Variants in TTF1 observed in about 807,000 individuals in gnomAD.
The protein encoded by TTF1 is transcription termination factor, RNA polymerase I.
In TTF1, 64 loss-of-function variants were observed where a neutral mutation model predicts 80.2. The observed-to-expected ratio is 0.80, with a 90% CI of 0.65 to 0.98. The LOEUF is 0.98. Among genes scored for constraint, TTF1 ranks in the 50% least tolerant of loss-of-function variants. The pLI is 0.00. For missense variants in TTF1, 1,023 were observed against 1,086.2 expected, an observed-to-expected ratio of 0.94 and a Z score of 0.82; for synonymous variants, 372 against 382.7, an observed-to-expected ratio of 0.97 and a Z score of 0.33.
In TTF1 at chr9:132,392,080, G is replaced by A. The variant is rs1849569247; in HGVS notation, c.1983C>T (p.Ser661=). ...LSVALKFSQI[S]SQRNRGAWSK... is the part of the protein sequence containing the mutation. ...GCACTGGGGGCTGCCACTTACGACT[G>A]CTGATCTGTGAGAACTTGAGGGCCA... The change falls in exon 6 of 11, where the codon AGC becomes AGT. Residue 661 remains serine, a synonymous_variant. Coordinates refer to ENST00000334270, the MANE Select transcript of TTF1 (RefSeq NM_007344.4). 2 of 1,613,846 alleles carry A rather than the reference G, an allele frequency of 1.2e-6. No homozygotes were observed. The highest frequency in any genetic ancestry group is 1.7e-6 in the Non-Finnish European group (2 of 1,180,022).
chr9:132,392,634 G>A (rs1481033896), intron 5 of TTF1, among the ~76,000 whole-genome samples: 2 of 152,128 alleles, frequency 1.3e-5, no homozygotes, highest in Non-Finnish European at 2.9e-5. Flanking sequence ...CCATAGCACT[G>A]GTCACAACCT....
At chr9:132,391,265 G>C (rs1849553872) in intron 6 of TTF1, among the ~76,000 whole-genome samples, 2 of 152,162 alleles carry the variant, frequency 1.3e-5, no homozygotes, top group Non-Finnish European at 2.9e-5. Context: ...ACTTGATGAA[G>C]GCACCTGAGA....
Position 132,402,654 on chromosome 9 carries a change from T to C in TTF1, c.168A>G (p.Lys56=). The C allele has an allele frequency of 6.2e-7, 1 of 1,613,124 alleles. No homozygotes were observed. Among genetic ancestry groups the C allele is most frequent in the South Asian group, 1.1e-5 (1 of 90,806 alleles). Residue 56 remains lysine, a synonymous_variant, in exon 2 of 11, where the codon AAA becomes AAG. Coordinates refer to ENST00000334270, the MANE Select transcript of TTF1 (RefSeq NM_007344.4). ...AAGAAATGAGATGCTGGAAATCTTT[T>C]TTCCTCTTTTTCCTCCTAGTTATTT... is the stretch of plus-strand genomic sequence containing the variant. The part of the protein sequence containing the change: ...QSQITRRKKR[K]KDFQHLISSP...
intron 9 of TTF1, among the ~76,000 whole-genome samples, chr9:132,382,493 T>C (rs1156452075): frequency 6.6e-6 from 1 of 152,190 alleles, no homozygotes; most frequent in Admixed American, 6.5e-5. Context: ...GCTGTACTCC[T>C]GCCCGAAGGA....
intron 10 of TTF1, 75 bp from the exon 11 acceptor site, chr9:132,376,243 G>T: frequency 6.8e-7 from 1 of 1,473,026 alleles, no homozygotes; most frequent in South Asian, 1.3e-5. Context: ...CATACAGGAG[G>T]CTGGTAATGA....
At chr9:132,389,114 ATGAT>A (rs1362816801) in intron 7 of TTF1, among the ~76,000 whole-genome samples, 1 of 151,360 alleles carries the variant, frequency 6.6e-6, no homozygotes, top group Non-Finnish European at 1.5e-5. Context: ...ACTACCCTTA[ATGAT>A]TACCATGTCC....
rs769247792 is a variant in TTF1 at position 132,379,109 on chromosome 9, G to A, written c.2414C>T (p.Ser805Phe). The A allele has an allele frequency of 1.2e-6, 2 of 1,609,124 alleles. No homozygotes were observed. Among genetic ancestry groups the A allele is most frequent in the African/African-American group, 2.7e-5 (2 of 74,834 alleles). ...VPPSYVQTKF[S>F]RLKAVYVPFW... ...TGGAACATAGACAGCTTTCAGCCTA[G>A]AAAATTTAGTTTGAACGTAAGATGG... The change falls in exon 10 of 11, where the codon TCT becomes TTT. Residue 805 changes from serine (S) to phenylalanine (F), a missense_variant. Physicochemically the swap from Ser to Phe is radical, Grantham distance 155. Coordinates refer to ENST00000334270, the MANE Select transcript of TTF1 (RefSeq NM_007344.4).
chr9:132,393,270 C>CG (rs1297700991), intron 5 of TTF1, among the ~76,000 whole-genome samples: 22 of 28,180 alleles, frequency 7.8e-4, no homozygotes, highest in Middle Eastern at 0.014. Flanking sequence ...TGGGAGCAAG[C>CG]CCCCCCCGCA....
rs1326810905 is a variant in TTF1, at chr9:132,376,156, T to C, written c.2477A>G (p.Tyr826Cys). 3.1e-6 allele frequency: 5 copies of C among 1,612,596 alleles called. No individual in the cohort carries two copies. The African/African-American group carries it at 4.0e-5, about 13-fold the overall frequency. ...QKKTFPEIID[Y>C]LYETTLPLLK... ...CAAAGGTAGAGTCGTCTCATAAAGG[T>C]AGTCGATGATCTCTACAGAAAAGAA... Residue 826 changes from tyrosine to cysteine, a missense_variant, in exon 11 of 11, where the codon TAC becomes TGC. Tyr to Cys is a radical substitution (Grantham distance 194). Transcript: ENST00000334270.
chr9:132,387,749 G>A (rs1849495233), intron 8 of TTF1, among the ~76,000 whole-genome samples: 1 of 152,202 alleles, frequency 6.6e-6, no homozygotes, highest in Non-Finnish European at 1.5e-5. Flanking sequence ...AGACAAGCAA[G>A]GGTGACACCA....
At chr9:132,385,392 TG>T (rs962743479) in intron 9 of TTF1, among the ~76,000 whole-genome samples, 3 of 152,234 alleles carry the variant, frequency 2.0e-5, no homozygotes, top group African/African-American at 7.2e-5. Flanking sequence ...CTGGAACTCC[TG>T]GATGTCTGGA....
At chr9:132,391,150 T>C (rs1849552229) in intron 6 of TTF1, among the ~76,000 whole-genome samples, 2 of 152,328 alleles carry the variant, frequency 1.3e-5, no homozygotes, top group South Asian at 2.1e-4. Context: ...AAACATTTAA[T>C]GGGGGAAGAA....
chr9:132,375,920 T>C lies in TTF1; in HGVS notation c.2713A>G (p.Ile905Val). Reference protein sequence around the residue: ...STLGGQGRWII With the variant: ...STLGGQGRWIV ...CCGGTCTCGAACTCCTGACCTCAGA[T>C]GATCCACCGGCCTTGGCCTCCCAAA... Residue 905 changes from isoleucine to valine, a missense_variant, in exon 11 of 11, where the codon ATC (isoleucine) becomes GTC (valine). Coordinates refer to ENST00000334270, the MANE Select transcript of TTF1 (RefSeq NM_007344.4). 6.4e-7 allele frequency: 1 copy of C among 1,570,060 alleles called. No individual in the cohort carries two copies. The highest frequency in any genetic ancestry group is 1.8e-5 in the Admixed American group (1 of 56,456).
chr9:132,402,143 T>C lies in TTF1; in HGVS notation c.679A>G (p.Ser227Gly), dbSNP rs761942753. The C allele has an allele frequency of 1.9e-6, 3 of 1,614,142 alleles. No homozygotes were observed. The highest frequency in any genetic ancestry group is 2.5e-6 in the Non-Finnish European group (3 of 1,180,022). The part of the protein sequence containing the change: ...NKSKKKKKKS[S>G]NREYETLAMP... ...GCCAGTGTCTCATATTCCCGGTTACTGGACTTTTTCTTTTTTTTCTTAGAC... is the reference window on the plus strand; with the variant it reads ...GCCAGTGTCTCATATTCCCGGTTACCGGACTTTTTCTTTTTTTTCTTAGAC... Residue 227 changes from serine to glycine, a missense_variant, in exon 2 of 11, where the codon AGT becomes GGT. By Grantham distance (56) the Ser-to-Gly change is moderately conservative (BLOSUM62 0). Transcript: ENST00000334270.
At chr9:132,393,598 A>C (rs1849598098) in intron 5 of TTF1, among the ~76,000 whole-genome samples, 1 of 152,226 alleles carries the variant, frequency 6.6e-6, no homozygotes, top group Non-Finnish European at 1.5e-5. Context: ...CTGTTAATAA[A>C]TACGTGGGTA....
chr9:132,378,988 G>C, intron 10 of TTF1, 71 bp downstream of exon 10: 1 of 1,206,818 alleles, frequency 8.3e-7, no homozygotes, highest in Non-Finnish European at 1.2e-6. Flanking sequence ...CACCTGCCTA[G>C]GTGACTTTCA....
chr9:132,378,174 G>A (rs533547452), intron 10 of TTF1, among the ~76,000 whole-genome samples: 46 of 139,670 alleles, frequency 3.3e-4, no homozygotes, highest in African/African-American at 1.2e-3. Flanking sequence ...TGTGGTGTGT[G>A]TGAATGCATG....
chr9:132,376,276 C>T (rs1849175362), intron 10 of TTF1, 108 bp from the exon 11 acceptor site: 1 of 1,235,118 alleles, frequency 8.1e-7, no homozygotes, highest in African/African-American at 1.5e-5. Flanking sequence ...CTTGTTATTG[C>T]TGTGTGTAAG....
chr9:132,406,300 C>T (rs955492752), intron 1 of TTF1, among the ~76,000 whole-genome samples: 1 of 152,056 alleles, frequency 6.6e-6, no homozygotes, highest in Admixed American at 6.6e-5. Flanking sequence ...CATCTTCTCA[C>T]TCCCAAAGAC....
Sources: gnomAD v4.1 joint callset for allele counts (sites outside exome capture counted in the v4.1 genomes callset) on GRCh38, gnomAD v4.1.1 for gene constraint, MANE v1.5 for transcripts, NCBI Gene and HGNC (gene_info 2026-07-23, HGNC 2026-07-21) for gene names.